The following PPL variants were observed in gnomAD, a reference collection of about 807,000 sequenced individuals.
PPL encodes the protein 190 kDa paraneoplastic pemphigus antigen.
A neutral mutation model predicts 194.4 loss-of-function variants in PPL; 198 were observed. The ratio of observed to expected loss-of-function variants is 1.02; its 90% CI spans 0.91 to 1.15. PPL has a LOEUF of 1.15. Among genes scored for constraint, PPL ranks in the 50% most tolerant of loss-of-function variants. The probability of loss-of-function intolerance (pLI) is 0.00; values close to 1 mark genes in which losing one functional copy is unlikely to be tolerated. For missense variants in PPL, 2,885 were observed against 2,294.8 expected (o/e 1.26, Z -5.25); for synonymous variants, 1,220 against 972.4 (o/e 1.25, Z -4.74).
intron 16 of PPL, 173 bp downstream of exon 16, chr16:4,891,638 G>C: frequency 1.3e-6 from 1 of 751,060 alleles, no homozygotes; most frequent in African/African-American, 1.8e-5. Context: ...CACAGATCCC[G>C]TGAATAGCTT....
chr16:4,897,860 G>C (rs1003113422), intron 8 of PPL, 90 bp from the exon 9 acceptor site: 35 of 997,908 alleles, frequency 3.5e-5, no homozygotes, highest in South Asian at 5.7e-5. Flanking sequence ...GGGGCATGGC[G>C]GGGGAGGGAG....
chr16:4,883,152 C>G lies in PPL; in HGVS notation c.*232G>C. The stretch of plus-strand genomic sequence containing the variant: ...GGAAAAGGCATCGCAGTTGTCCAGT[C>G]ATTGGAGGATGAAGTACGTCACTCA... On this transcript the variant is annotated 3_prime_UTR_variant, in exon 22 of 22. Transcript: ENST00000345988. The surrounding 1 kb of genome is among the most constrained non-coding windows in gnomAD (Gnocchi z 4.8). The G allele has an allele frequency of 1.8e-6, 1 of 558,788 alleles. No individual in the cohort carries two copies. The highest frequency in any genetic ancestry group is 3.2e-6 in the Non-Finnish European group (1 of 316,102). 34.6% of individuals were successfully genotyped at this position (558,788 alleles called of 1,614,324 possible).
chr16:4,922,062 C>G (rs1023491203), intron 1 of PPL, among the ~76,000 whole-genome samples: 2 of 152,180 alleles, frequency 1.3e-5, no homozygotes, highest in Non-Finnish European at 2.9e-5. Context: ...TAATTTTGTG[C>G]GGGTGCCACT....
intron 1 of PPL, among the ~76,000 whole-genome samples, chr16:4,926,248 G>A (rs556098645): frequency 1.2e-4 from 19 of 152,302 alleles, no homozygotes; most frequent in African/African-American, 4.1e-4. Context: ...GTCTATGCTT[G>A]TAACTGCTGC....
rs75862455 is a variant in PPL at position 4,892,015 on chromosome 16, G to A, written c.1829+20C>T. The A allele has an allele frequency of 0.015, 23,829 of 1,611,830 alleles. 234 individuals are homozygous for A. The highest frequency in any genetic ancestry group is 0.016 in the Non-Finnish European group (18,687 of 1,178,752). ...CCCCTGACCCCACCCCAACCTCCATGCTGCCTGTCTGCCACCCACTTCTCC... is the reference window on the plus strand; with the variant it reads ...CCCCTGACCCCACCCCAACCTCCATACTGCCTGTCTGCCACCCACTTCTCC... On this transcript the variant is annotated intron_variant, in intron 15 of 21. Coordinates refer to ENST00000345988, the MANE Select transcript of PPL (RefSeq NM_002705.5).
intron 2 of PPL, among the ~76,000 whole-genome samples, chr16:4,905,195 C>T (rs2142373752): frequency 6.6e-6 from 1 of 152,258 alleles, no homozygotes; most frequent in East Asian, 1.9e-4. Context: ...TCAGCATTCC[C>T]ATCTCTATAA....
At chr16:4,926,420 A>T (rs2089155373) in intron 1 of PPL, among the ~76,000 whole-genome samples, 1 of 152,208 alleles carries the variant, frequency 6.6e-6, no homozygotes, top group Non-Finnish European at 1.5e-5. Flanking sequence ...ATGCTATAAA[A>T]TACCTGCTCA....
chr16:4,936,497 G>A (rs2089300179), intron 1 of PPL, among the ~76,000 whole-genome samples: 1 of 152,152 alleles, frequency 6.6e-6, no homozygotes, highest in Admixed American at 6.5e-5. Flanking sequence ...GCGCTGGAGA[G>A]CGCCCCCCGA....
rs958993311 is a variant in PPL at position 4,888,684 on chromosome 16, G to C, written c.2397+294C>G. The stretch of plus-strand genomic sequence containing the variant: ...TACTAGTTTTGCTATTGTAAATAGT[G>C]CTGTTGCAACAATGTTGTTTATCCT... On this transcript the variant is annotated intron_variant, in intron 19 of 21. Transcript: ENST00000345988. 8 of 443,476 alleles carry C rather than the reference G, an allele frequency of 1.8e-5. No homozygotes were observed. The Admixed American group carries it at 2.6e-4, about 14-fold the overall frequency. 27.5% of individuals were successfully genotyped at this position (443,476 alleles called of 1,614,324 possible).
chr16:4,893,341 G>T lies in PPL; in HGVS notation c.1522C>A (p.Leu508Met). The change falls in exon 14 of 22, where the codon CTG becomes ATG. Residue 508 changes from leucine to methionine, a missense_variant. Leu to Met is a conservative substitution (Grantham distance 15). Transcript: ENST00000345988. Reference protein sequence around the residue: ...DASDLQGRQLLAGLDKVASDL... With the variant: ...DASDLQGRQLMAGLDKVASDL... ...CTGGCCACCTTGTCCAAGCCAGCCA[G>T]CAGCTGCCGCCCCTGTAGGTCAGAG... is the stretch of plus-strand genomic sequence containing the variant. 3 of 1,608,128 alleles carry T rather than the reference G, an allele frequency of 1.9e-6. No individual in the cohort carries two copies. The highest frequency in any genetic ancestry group is 2.5e-6 in the Non-Finnish European group (3 of 1,179,796).
chr16:4,895,723 G>A lies in PPL; in HGVS notation c.973-7C>T, dbSNP rs759936299. 5.0e-6 allele frequency: 8 copies of A among 1,613,816 alleles called. No individual in the cohort carries two copies. The highest frequency in any genetic ancestry group is 1.6e-4 in the Middle Eastern group (1 of 6,062). On this transcript the variant is annotated splice_region_variant and splice_polypyrimidine_tract_variant and intron_variant, in intron 9 of 21. Transcript: ENST00000345988. ...CCTTCACGTCTTCGTGAAACTAGGGGAGAAGGTGGCTCTGTTACAGCCAGG... is the reference window on the plus strand; with the variant it reads ...CCTTCACGTCTTCGTGAAACTAGGGAAGAAGGTGGCTCTGTTACAGCCAGG...
chr16:4,892,305 G>T, intron 14 of PPL, 92 bp from the exon 15 acceptor site: 1 of 1,389,830 alleles, frequency 7.2e-7, no homozygotes, highest in Admixed American at 2.1e-5. Flanking sequence ...TCCCACATCA[G>T]GCACAGTGGA....
Position 4,885,361 on chromosome 16 carries a change from G to C in PPL, c.3294C>G (p.Leu1098=). Residue 1098 remains leucine (L), a synonymous_variant, in exon 22 of 22, where the codon CTC becomes CTG. Coordinates refer to ENST00000345988, the MANE Select transcript of PPL (RefSeq NM_002705.5). This position sits in a 1 kb window ranked among gnomAD's most constrained non-coding sequence, Gnocchi z 6.3. ...TGGCCCGCTCCTTCTCTAGCCTCTTGAGCTTGTCCTGGAGGAAGCTCAGCT... is the reference window on the plus strand; with the variant it reads ...TGGCCCGCTCCTTCTCTAGCCTCTTCAGCTTGTCCTGGAGGAAGCTCAGCT... ...EEELSFLQDK[L]KRLEKERAMA... 1 of 1,612,702 alleles carries C rather than the reference G, an allele frequency of 6.2e-7. No homozygotes were observed. Among genetic ancestry groups the C allele is most frequent in the Non-Finnish European group, 8.5e-7 (1 of 1,179,946 alleles).
rs185902130 is a variant in PPL at position 4,921,127 on chromosome 16, G to C, written c.63-10178C>G. ...TTCCTTCTGGGCTGGGGATGCCAGA[G>C]TCTGGGACAATCCTGAGCAGTCTCA... On this transcript the variant is annotated intron_variant, in intron 1 of 21. Coordinates refer to ENST00000345988, the MANE Select transcript of PPL (RefSeq NM_002705.5). Among the ~76,000 whole-genome samples the C allele has an allele frequency of 2.0e-5, 3 of 152,342 alleles. No individual in the cohort carries two copies. The East Asian group carries it at 5.8e-4, about 29-fold the overall frequency.
At chr16:4,909,399 C>T (rs998074179) in intron 2 of PPL, among the ~76,000 whole-genome samples, 7 of 150,770 alleles carry the variant, frequency 4.6e-5, no homozygotes, top group African/African-American at 1.7e-4. Context: ...TCCCCACCCT[C>T]AGCCTCCCAC....
Position 4,883,868 on chromosome 16 carries a change from A to T in PPL, c.4787T>A (p.Leu1596Gln). Residue 1596 changes from leucine to glutamine, a missense_variant, in exon 22 of 22, where the codon CTG (leucine) becomes CAG (glutamine). Leu to Gln is a moderately radical substitution (Grantham distance 113, BLOSUM62 -2). Transcript: ENST00000345988. The surrounding 1 kb of genome is among the most constrained non-coding windows in gnomAD (Gnocchi z 4.8). Reference protein sequence around the residue: ...INMAATETRDLRNMTVADSGT... With the variant: ...INMAATETRDQRNMTVADSGT... ...AGAGTCCGCCACGGTCATGTTCCGC[A>T]GGTCTCGTGTTTCCGTCGCTGCCAT... 6.2e-7 allele frequency: 1 copy of T among 1,613,954 alleles called. No individual in the cohort carries two copies. The highest frequency in any genetic ancestry group is 8.5e-7 in the Non-Finnish European group (1 of 1,180,018).
intron 11 of PPL, 112 bp downstream of exon 11, chr16:4,895,149 C>T (rs1010042175): frequency 2.2e-6 from 3 of 1,337,742 alleles, no homozygotes; most frequent in East Asian, 2.6e-5. Context: ...AGAGTGACAC[C>T]AACCACGGAG....
chr16:4,888,882 CA>C (rs2142334308), intron 19 of PPL, 95 bp downstream of exon 19: 1 of 1,228,306 alleles, frequency 8.1e-7, no homozygotes, highest in Admixed American at 1.7e-5. Flanking sequence ...GCTCCACCCC[CA>C]TGTGCCAGGG....
At chr16:4,935,395 C>T (rs921691042) in intron 1 of PPL, among the ~76,000 whole-genome samples, 4 of 152,108 alleles carry the variant, frequency 2.6e-5, no homozygotes, top group African/African-American at 9.7e-5. Flanking sequence ...TGGGTCTAGT[C>T]TCTGGGGTGG....
Sources: gnomAD v4.1 joint callset for allele counts (sites outside exome capture counted in the v4.1 genomes callset) on GRCh38, gnomAD v4.1.1 for gene constraint, Gnocchi (gnomAD v3.1) non-coding constraint, MANE v1.5 for transcripts, NCBI Gene and HGNC (gene_info 2026-07-23, HGNC 2026-07-21) for gene names.